ADAMTS8: variants seen among roughly 807,000 people sequenced by gnomAD.
ADAMTS8 encodes the protein A disintegrin and metalloproteinase with thrombospondin motifs 8.
In ADAMTS8, 50 loss-of-function variants were observed where a neutral mutation model predicts 64.4. That is an observed-to-expected ratio of 0.78 (90% CI 0.62 to 0.98). The LOEUF is 0.98. Among genes scored for constraint, ADAMTS8 ranks in the 50% least tolerant of loss-of-function variants. ADAMTS8 has a pLI of 0.00. For missense variants in ADAMTS8, 1,192 were observed against 1,208.2 expected (o/e 0.99, Z 0.20); for synonymous variants, 556 against 533.6 (o/e 1.04, Z -0.58).
intron 2 of ADAMTS8, 151 bp downstream of exon 2, chr11:130,418,902 A>ACCT (rs34248430): frequency 0.74 from 881,889 of 1,192,882 alleles, 331,021 homozygotes; most frequent in East Asian, 0.94. Flanking sequence ...TGTCCTCATG[A>ACCT]CCTCCTCATC....
chr11:130,409,451 C>G (rs1861926358), intron 6 of ADAMTS8, among the ~76,000 whole-genome samples: 1 of 152,184 alleles, frequency 6.6e-6, no homozygotes, highest in African/African-American at 2.4e-5. Flanking sequence ...GTGATTACCT[C>G]CAACTCAGCA....
In ADAMTS8 at chr11:130,414,593, C is replaced by T. The variant is rs780443214; in HGVS notation, c.1504G>A (p.Gly502Arg). The T allele has an allele frequency of 2.9e-5, 46 of 1,613,114 alleles. No individual in the cohort carries two copies. Among genetic ancestry groups the T allele is most frequent in the African/African-American group, 6.7e-5 (5 of 74,936 alleles). ...CCTTCTGAGCAGAGGTGCCCAGGCC[C>T]GCACGGCGTGCCGTCAGCCCAGGGC... ...SLPWADGTPC[G>R]PGHLCSEGSC... is the part of the protein sequence containing the mutation. The change falls in exon 5 of 9, where the codon GGG becomes AGG. Residue 502 changes from glycine to arginine, a missense_variant. Coordinates refer to ENST00000257359, the MANE Select transcript of ADAMTS8 (RefSeq NM_007037.6).
At position 130,405,399 on chromosome 11, in the gene ADAMTS8, G is replaced by C; in HGVS notation, c.*159C>G. 1 of 1,439,758 alleles carries C rather than the reference G, an allele frequency of 6.9e-7. No individual in the cohort carries two copies. Among genetic ancestry groups the C allele is most frequent in the Non-Finnish European group, 9.1e-7 (1 of 1,103,102 alleles). 89.2% of individuals were successfully genotyped at this position (1,439,758 alleles called of 1,614,324 possible). On this transcript the variant is annotated 3_prime_UTR_variant, in exon 9 of 9. Transcript: ENST00000257359. ...CCATACCCTCTCCTCTTCCCCCTTA[G>C]GAATTTGTGCAGTACTGGAGGGGTT... is the stretch of plus-strand genomic sequence containing the variant.
In ADAMTS8 at chr11:130,427,588, G is replaced by A. The variant is rs1339059996; in HGVS notation, c.699C>T (p.Ala233=). The A allele has an allele frequency of 1.3e-6, 2 of 1,540,996 alleles. No homozygotes were observed. Among genetic ancestry groups the A allele is most frequent in the South Asian group, 2.4e-5 (2 of 84,088 alleles). Residue 233 remains alanine (A), a synonymous_variant, in exon 1 of 9, where the codon GCC becomes GCT. Transcript: ENST00000257359. The stretch of plus-strand genomic sequence containing the variant: ...CTACCTGCAGGTCGGCCCCGTAGAA[G>A]GCAGCCATGGACGCATCGGCCACCA... ...TLLVADASMA[A]FYGADLQNHI...
In ADAMTS8 at chr11:130,406,190, G is replaced by A. The variant is rs1017036804; in HGVS notation, c.2100-62C>T. ...GCTGCCCAGCCCAGGTCACGATGAT[G>A]CCTTGGAGACTGAAGTGGGCACCCC... is the stretch of plus-strand genomic sequence containing the variant. On this transcript the variant is annotated intron_variant, in intron 8 of 8. Transcript: ENST00000257359. 27 of 1,540,590 alleles carry A rather than the reference G, an allele frequency of 1.8e-5. No individual in the cohort carries two copies. The African/African-American group carries it at 3.4e-4, about 19-fold the overall frequency.
In ADAMTS8 at chr11:130,408,775, T is replaced by C. The variant is rs772406678; in HGVS notation, c.1916A>G (p.Glu639Gly). The C allele has an allele frequency of 1.2e-6, 2 of 1,614,022 alleles. No individual in the cohort carries two copies. The highest frequency in any genetic ancestry group is 4.5e-5 in the East Asian group (2 of 44,880). Residue 639 changes from glutamate to glycine, a missense_variant, in exon 7 of 9, where the codon GAG becomes GGG. Physicochemically the swap from Glu to Gly is moderately conservative, Grantham distance 98 (BLOSUM62 -2). Coordinates refer to ENST00000257359, the MANE Select transcript of ADAMTS8 (RefSeq NM_007037.6). ...ARGRSEFKVF[E>G]AKVIDGTLCG... ...TCCCAGGGTGATTCTCACCTTGGCC[T>C]CGAACACTTTGAACTCGCTCCTCCC...
Position 130,416,236 on chromosome 11 carries a change from G to C in ADAMTS8, c.1191C>G (p.Val397=). The C allele has an allele frequency of 2.5e-6, 4 of 1,591,540 alleles. No individual in the cohort carries two copies. Among genetic ancestry groups the C allele is most frequent in the African/African-American group, 1.3e-5 (1 of 74,660 alleles). Residue 397 remains valine (V), a synonymous_variant, in exon 4 of 9, where the codon GTC becomes GTG. Transcript: ENST00000257359. The surrounding 1 kb of genome is among the most constrained non-coding windows in gnomAD (Gnocchi z 4.8). ...GKHHVMAPLF[V]HLNQTLPWSP... ...ACCAGGGCAGCGTCTGGTTCAGGTG[G>C]ACGAACAGCGGTGCCATCACGTGGT...
At chr11:130,407,966 C>T (rs565465255) in intron 8 of ADAMTS8, among the ~76,000 whole-genome samples, 4 of 152,150 alleles carry the variant, frequency 2.6e-5, no homozygotes, top group Non-Finnish European at 5.9e-5. Flanking sequence ...AAAAAAGTGT[C>T]TGGAGTTCTC....
intron 2 of ADAMTS8, among the ~76,000 whole-genome samples, chr11:130,418,133 A>G (rs1326809645): frequency 4.0e-5 from 6 of 151,794 alleles, no homozygotes; most frequent in African/African-American, 1.5e-4. Context: ...GTGAGCTGTG[A>G]TTGTGCCATT....
chr11:130,427,955 T>C lies in ADAMTS8; in HGVS notation c.332A>G (p.Glu111Gly). 1 of 1,531,820 alleles carries C rather than the reference T, an allele frequency of 6.5e-7. No homozygotes were observed. The highest frequency in any genetic ancestry group is 8.7e-7 in the Non-Finnish European group (1 of 1,145,610). 94.9% of individuals were successfully genotyped at this position (1,531,820 alleles called of 1,614,324 possible). ...GCACAGGCTGACCGCCGCCAGCGACTCGGGCTCCCCATTCACGGTGCCGGA... is the reference window on the plus strand; with the variant it reads ...GCACAGGCTGACCGCCGCCAGCGACCCGGGCTCCCCATTCACGGTGCCGGA... ...FFSGTVNGEP[E>G]SLAAVSLCRG... The change falls in exon 1 of 9, where the codon GAG becomes GGG. Residue 111 changes from glutamate (E) to glycine (G), a missense_variant. Transcript: ENST00000257359.
intron 7 of ADAMTS8, 32 bp from the exon 8 acceptor site, chr11:130,408,671 C>T (rs778592258): frequency 1.3e-5 from 21 of 1,612,708 alleles, no homozygotes; most frequent in South Asian, 1.1e-4. Context: ...TGAGGGAGGG[C>T]GTGTTGAGCA....
chr11:130,417,019 G>C lies in ADAMTS8; in HGVS notation c.1017C>G (p.Thr339=). The C allele has an allele frequency of 6.2e-7, 1 of 1,614,010 alleles. No homozygotes were observed. Among genetic ancestry groups the C allele is most frequent in the Non-Finnish European group, 8.5e-7 (1 of 1,180,016 alleles). ...AGCAGCTTTTGTTGGGGTCACAAAT[G>C]GTCCCGATGTCTGCCACACCCAGGG... ...CDTLGVADIG[T]ICDPNKSCSV... The change falls in exon 3 of 9, where the codon ACC becomes ACG. Residue 339 remains threonine, a synonymous_variant. Transcript: ENST00000257359.
In ADAMTS8 at chr11:130,419,309, G is replaced by C. The variant is rs551807808; in HGVS notation, c.721-17C>G. 6.2e-7 allele frequency: 1 copy of C among 1,613,652 alleles called. No homozygotes were observed. Among genetic ancestry groups the C allele is most frequent in the Admixed American group, 1.7e-5 (1 of 60,014 alleles). ...GATGTGGTTCTGTCAGGAAGGAGGAGACAAGAGGCGGAGTGAAGGGTTAAG... is the reference window on the plus strand; with the variant it reads ...GATGTGGTTCTGTCAGGAAGGAGGACACAAGAGGCGGAGTGAAGGGTTAAG... On this transcript the variant is annotated splice_polypyrimidine_tract_variant and intron_variant, in intron 1 of 8. Transcript: ENST00000257359.
chr11:130,414,910 T>C, intron 4 of ADAMTS8, 78 bp from the exon 5 acceptor site: 1 of 1,413,746 alleles, frequency 7.1e-7, no homozygotes, highest in Non-Finnish European at 9.4e-7. Flanking sequence ...CTGTGATGGA[T>C]GGCACTGAAG....
intron 5 of ADAMTS8, among the ~76,000 whole-genome samples, chr11:130,413,171 A>G (rs11828624): frequency 0.14 from 20,714 of 152,246 alleles, 1,780 homozygotes; most frequent in East Asian, 0.24. Flanking sequence ...TTCTATAAAT[A>G]TGTATTTTCT....
Position 130,428,489 on chromosome 11 carries a change from G to A in ADAMTS8, c.-203C>T. 3.1e-6 allele frequency: 3 copies of A among 978,672 alleles called. No homozygotes were observed. Among genetic ancestry groups the A allele is most frequent in the Non-Finnish European group, 3.6e-6 (3 of 822,772 alleles). 60.6% of individuals were successfully genotyped at this position (978,672 alleles called of 1,614,324 possible). Reference sequence around the variant, plus strand: ...GGCTGGCGCAGCCCGCTCCTCCCGCGCCGCCGCCCCCGAGCCGAGCGCGAG... The same window carrying A: ...GGCTGGCGCAGCCCGCTCCTCCCGCACCGCCGCCCCCGAGCCGAGCGCGAG... On this transcript the variant is annotated 5_prime_UTR_variant, in exon 1 of 9. Transcript: ENST00000257359.
Position 130,428,217 on chromosome 11 carries a change from CCAGCGG to C in ADAMTS8, c.64_69del (p.Pro22_Leu23del). On this transcript the variant is annotated inframe_deletion, in exon 1 of 9. Transcript: ENST00000257359. ...GCGGGCCGGGCCGGGGCGCCGCGGG[CCAGCGG>C]CAGCAGCAGCAGCAGCAGCAGCAGG... 8.3e-7 allele frequency: 1 copy of C among 1,205,440 alleles called. No individual in the cohort carries two copies. Among genetic ancestry groups the C allele is most frequent in the South Asian group, 3.7e-5 (1 of 26,754 alleles). 74.7% of individuals were successfully genotyped at this position (1,205,440 alleles called of 1,614,324 possible).
chr11:130,425,444 T>C (rs1297141249), intron 1 of ADAMTS8, among the ~76,000 whole-genome samples: 1 of 152,146 alleles, frequency 6.6e-6, no homozygotes, highest in African/African-American at 2.4e-5. Flanking sequence ...AAATGGACTT[T>C]CTCTGCTGGC....
chr11:130,409,875 C>G (rs942654283), intron 6 of ADAMTS8, among the ~76,000 whole-genome samples: 3 of 152,256 alleles, frequency 2.0e-5, no homozygotes, highest in Non-Finnish European at 4.4e-5. Context: ...ATGCCATACT[C>G]CACGCCTGAG....
Sources: gnomAD v4.1 joint callset for allele counts (sites outside exome capture counted in the v4.1 genomes callset) on GRCh38, gnomAD v4.1.1 for gene constraint, Gnocchi (gnomAD v3.1) non-coding constraint, MANE v1.5 for transcripts, NCBI Gene and HGNC (gene_info 2026-07-23, HGNC 2026-07-21) for gene names.